INTS2: variants seen among roughly 807,000 people sequenced by gnomAD.
INTS2 encodes integrator complex subunit 2, also known as KIAA1287.
A neutral mutation model predicts 139.6 loss-of-function variants in INTS2; 57 were observed. The ratio of observed to expected loss-of-function variants is 0.41; its 90% CI spans 0.33 to 0.51. The LOEUF is 0.51. Among genes scored for constraint, INTS2 ranks in the 20% least tolerant of loss-of-function variants. The probability of loss-of-function intolerance (pLI) is 0.28; values close to 1 mark genes in which losing one functional copy is unlikely to be tolerated. For missense variants in INTS2, 1,196 were observed against 1,436.7 expected, an observed-to-expected ratio of 0.83 and a Z score of 2.71; for synonymous variants, 473 against 493.4, an observed-to-expected ratio of 0.96 and a Z score of 0.55.
In INTS2 at chr17:61,869,946, T is replaced by G. The variant is rs767963709; in HGVS notation, c.2821A>C (p.Thr941Pro). The G allele has an allele frequency of 8.1e-6, 13 of 1,613,600 alleles. No individual in the cohort carries two copies. Among genetic ancestry groups the G allele is most frequent in the Non-Finnish European group, 1.1e-5 (13 of 1,179,604 alleles). The change falls in exon 21 of 25, where the codon ACT (threonine) becomes CCT (proline). Residue 941 changes from threonine to proline, a missense_variant. Physicochemically the swap from Thr to Pro is conservative, Grantham distance 38. Around this residue, in one of 3 missense-constraint regions of INTS2, gnomAD observed 1,129 missense variants for 1,341.9 expected, o/e 0.84. Transcript: ENST00000251334. This position sits in a 1 kb window ranked among gnomAD's most constrained non-coding sequence, Gnocchi z 5.4. ...ACACCATTTGCTTTCTCCTCTTCAG[T>G]AGGTAGGCAAATCTCTAAGAGAATC... is the stretch of plus-strand genomic sequence containing the variant. ...VQILLEICLP[T>P]EEEKANGVNP...
chr17:61,867,896 T>C lies in INTS2; in HGVS notation c.3358A>G (p.Ile1120Val). ...ACATCAGAGGCACAAACTTGCCCTA[T>C]TTGGATCAGCAAAGACATAATATCC... ...YEDIMSLLIQ[I>V]GQVCASDVAT... Residue 1120 changes from isoleucine (I) to valine (V), a missense_variant, in exon 24 of 25, where the codon ATA becomes GTA. Physicochemically the swap from Ile to Val is conservative, Grantham distance 29 (BLOSUM62 3). This residue lies in a region of INTS2 where 1,129 missense variants were observed against 1,341.9 expected (regional missense o/e 0.84). Transcript: ENST00000251334. This position sits in a 1 kb window ranked among gnomAD's most constrained non-coding sequence, Gnocchi z 5.6. 6.2e-7 allele frequency: 1 copy of C among 1,612,138 alleles called. No homozygotes were observed. Among genetic ancestry groups the C allele is most frequent in the Non-Finnish European group, 8.5e-7 (1 of 1,179,326 alleles).
intron 3 of INTS2, among the ~76,000 whole-genome samples, chr17:61,923,167 T>C (rs1475320234): frequency 6.6e-6 from 1 of 151,872 alleles, no homozygotes; most frequent in Non-Finnish European, 1.5e-5. Flanking sequence ...AAAAATTTTT[T>C]AACATACCTT....
intron 5 of INTS2, among the ~76,000 whole-genome samples, chr17:61,915,655 T>TA (rs61632097): frequency 1.5e-3 from 192 of 130,124 alleles, no homozygotes; most frequent in Middle Eastern, 4.1e-3. Context: ...TGTCTCTAAT[T>TA]AAAAAAAAAA....
rs779116418 is a variant in INTS2, at chr17:61,889,775, G to A, written c.1984+11C>T. The A allele has an allele frequency of 7.1e-6, 10 of 1,401,392 alleles. No individual in the cohort carries two copies. Among genetic ancestry groups the A allele is most frequent in the Non-Finnish European group, 8.1e-6 (8 of 992,266 alleles). 86.8% of individuals were successfully genotyped at this position (1,401,392 alleles called of 1,614,324 possible). ...ACTACCACTAGAACCACTCCTCTAC[G>A]TACAACTTACCTAAAGTCTTCGTGT... On this transcript the variant is annotated intron_variant, in intron 15 of 24. Transcript: ENST00000251334.
In INTS2 at chr17:61,881,099, C is replaced by T. The variant is rs1017021923; in HGVS notation, c.2162G>A (p.Cys721Tyr). Reference protein sequence around the residue: ...PHLCIVDDWICEEEITGTDAL... With the variant: ...PHLCIVDDWIYEEEITGTDAL... Reference sequence around the variant, plus strand: ...ATCAGTCCCTGTGATTTCTTCTTCACAAATCCAGTCATCCACAATACATAA... The same window carrying T: ...ATCAGTCCCTGTGATTTCTTCTTCATAAATCCAGTCATCCACAATACATAA... Residue 721 changes from cysteine to tyrosine, a missense_variant, in exon 17 of 25, where the codon TGT (cysteine) becomes TAT (tyrosine). Physicochemically the swap from Cys to Tyr is radical, Grantham distance 194. This residue lies in a region of INTS2 where 1,129 missense variants were observed against 1,341.9 expected (regional missense o/e 0.84). Coordinates refer to ENST00000251334, the MANE Select transcript of INTS2 (RefSeq NM_001351695.2). 6.2e-7 allele frequency: 1 copy of T among 1,613,464 alleles called. No homozygotes were observed. Among genetic ancestry groups the T allele is most frequent in the African/African-American group, 1.3e-5 (1 of 74,924 alleles).
At chr17:61,900,682 A>C (rs987752953) in intron 9 of INTS2, among the ~76,000 whole-genome samples, 2 of 152,044 alleles carry the variant, frequency 1.3e-5, no homozygotes, top group African/African-American at 4.8e-5. Flanking sequence ...AATCGGCCAG[A>C]CGTGGTGGCT....
intron 1 of INTS2, among the ~76,000 whole-genome samples, chr17:61,926,942 T>G (rs1037024338): frequency 6.6e-6 from 1 of 152,108 alleles, no homozygotes; most frequent in Non-Finnish European, 1.5e-5. Context: ...CCCAGAGAGA[T>G]GAAGTAACAC....
At position 61,897,490 on chromosome 17, in the gene INTS2, G is replaced by C; in HGVS notation, c.1473C>G (p.Val491=). 1 of 1,591,146 alleles carries C rather than the reference G, an allele frequency of 6.3e-7. No individual in the cohort carries two copies. Among genetic ancestry groups the C allele is most frequent in the Non-Finnish European group, 8.6e-7 (1 of 1,168,970 alleles). The change falls in exon 11 of 25, where the codon GTC becomes GTG. Residue 491 remains valine, a synonymous_variant. Coordinates refer to ENST00000251334, the MANE Select transcript of INTS2 (RefSeq NM_001351695.2). The surrounding 1 kb of genome is among the most constrained non-coding windows in gnomAD (Gnocchi z 4.4). ...TTACCTTCATCCCCAAAGTGGAACA[G>C]ACCAAGTCAATGATAGCACTAAGCT... ...SNQLSAIIDL[V]CSTLGMKIVI... is the part of the protein sequence containing the mutation.
In INTS2 at chr17:61,875,538, T is replaced by C. The variant is rs547862680; in HGVS notation, c.2457-500A>G. ...AGATTAGACATTAATAGATTATAAG[T>C]GGTTACTAAAATGACTGCACATCAT... On this transcript the variant is annotated intron_variant, in intron 18 of 24. Coordinates refer to ENST00000251334, the MANE Select transcript of INTS2 (RefSeq NM_001351695.2). This position sits in a 1 kb window ranked among gnomAD's most constrained non-coding sequence, Gnocchi z 4.6. 2.2e-4 allele frequency among the ~76,000 whole-genome samples: 34 copies of C among 152,292 alleles called. No individual in the cohort carries two copies. Among genetic ancestry groups the C allele is most frequent in the African/African-American group, 7.9e-4 (33 of 41,568 alleles).
In INTS2 at chr17:61,897,895, T is replaced by G. The variant is rs977293958; in HGVS notation, c.1308-156A>C. ...AGGCTTGCTGAATTGGGCCATTAATTGTCATTGAGGTATGAAGTAATTCTA... is the reference window on the plus strand; with the variant it reads ...AGGCTTGCTGAATTGGGCCATTAATGGTCATTGAGGTATGAAGTAATTCTA... On this transcript the variant is annotated intron_variant, in intron 9 of 24. Transcript: ENST00000251334. The surrounding 1 kb of genome is among the most constrained non-coding windows in gnomAD (Gnocchi z 4.4). Among the ~76,000 whole-genome samples, 1 of 152,202 alleles carries G rather than the reference T, an allele frequency of 6.6e-6. No homozygotes were observed. Among genetic ancestry groups the G allele is most frequent in the Admixed American group, 6.5e-5 (1 of 15,274 alleles).
chr17:61,911,968 G>T lies in INTS2; in HGVS notation c.752C>A (p.Ser251Tyr). 3 of 1,613,222 alleles carry T rather than the reference G, an allele frequency of 1.9e-6. No homozygotes were observed. Among genetic ancestry groups the T allele is most frequent in the Non-Finnish European group, 2.5e-6 (3 of 1,179,350 alleles). Residue 251 changes from serine (S) to tyrosine (Y), a missense_variant, in exon 6 of 25, where the codon TCT becomes TAT. Ser to Tyr is a moderately radical substitution (Grantham distance 144). Transcript: ENST00000251334. ...ALRFLCKMNP[S>Y]QALKVRGMVV... ...CATGCCTCGGACCTTGAGGGCCTGA[G>T]AAGGATTCATTTTACACAAGAAGCG...
chr17:61,885,089 CA>C, intron 15 of INTS2, 84 bp from the exon 16 acceptor site: 1 of 890,604 alleles, frequency 1.1e-6, no homozygotes, highest in Middle Eastern at 2.8e-4. Context: ...GAAACAAAAA[CA>C]AAGTCAAATT....
Position 61,919,533 on chromosome 17 carries a change from G to A in INTS2, c.536-20C>T, listed in dbSNP as rs1168433644. The A allele has an allele frequency of 3.0e-6, 4 of 1,344,338 alleles. No homozygotes were observed. The highest frequency in any genetic ancestry group is 4.2e-6 in the Non-Finnish European group (4 of 952,892). 83.3% of individuals were successfully genotyped at this position (1,344,338 alleles called of 1,614,324 possible). A position where few individuals can be genotyped will look rare whatever the true frequency, so the allele number is the denominator to read the frequency against. ...GGAGCTCTACAAGAAAACAAAGTCA[G>A]TGTTAGTCTTTGTTAACAGGTGCAC... is the stretch of plus-strand genomic sequence containing the variant. On this transcript the variant is annotated intron_variant, in intron 4 of 24. Transcript: ENST00000251334.
intron 3 of INTS2, among the ~76,000 whole-genome samples, chr17:61,923,846 T>C (rs1239749694): frequency 6.6e-6 from 1 of 151,916 alleles, no homozygotes; most frequent in African/African-American, 2.4e-5. Context: ...AGAAACGGGG[T>C]TTCTCCATGT....
intron 7 of INTS2, among the ~76,000 whole-genome samples, chr17:61,908,814 T>A (rs1603380802): frequency 7.4e-6 from 1 of 134,594 alleles, no homozygotes; most frequent in Non-Finnish European, 1.7e-5. Context: ...AAGCAGAGCT[T>A]AAAATCAGTT....
intron 7 of INTS2, chr17:61,911,179 G>A: frequency 6.4e-6 from 2 of 314,048 alleles, no homozygotes; most frequent in Non-Finnish European, 1.1e-5. Context: ...CTATACCCTA[G>A]AACCCCCTGG....
At position 61,875,029 on chromosome 17, in the gene INTS2, T is replaced by C. The variant is rs369157434; in HGVS notation, c.2466A>G (p.Val822=). The C allele has an allele frequency of 1.9e-6, 3 of 1,592,398 alleles. No homozygotes were observed. Among genetic ancestry groups the C allele is most frequent in the African/African-American group, 2.7e-5 (2 of 74,488 alleles). Residue 822 remains valine (V), a synonymous_variant, in exon 19 of 25, where the codon GTA becomes GTG. Coordinates refer to ENST00000251334, the MANE Select transcript of INTS2 (RefSeq NM_001351695.2). The surrounding 1 kb of genome is among the most constrained non-coding windows in gnomAD (Gnocchi z 4.6). ...AAGGCTGAAGTGCATTAACCGTCAT[T>C]ACCCATAGCCTGATAAGAAAATAAT... The part of the protein sequence containing the change: ...LNTVMPRRLW[V]MTVNALQPSI...
chr17:61,872,186 T>C lies in INTS2; in HGVS notation c.2778+79A>G. Reference sequence around the variant, plus strand: ...TCACCAATGTACATGGAGCGCACAATGTGCCATCTATTGAACTGATTATAC... The same window carrying C: ...TCACCAATGTACATGGAGCGCACAACGTGCCATCTATTGAACTGATTATAC... On this transcript the variant is annotated intron_variant, in intron 20 of 24. Transcript: ENST00000251334. The surrounding 1 kb of genome is among the most constrained non-coding windows in gnomAD (Gnocchi z 4.8). 1 of 812,050 alleles carries C rather than the reference T, an allele frequency of 1.2e-6. No individual in the cohort carries two copies. The highest frequency in any genetic ancestry group is 2.3e-5 in the South Asian group (1 of 44,030). The allele number at this position is 812,050 out of a possible 1,614,324, so 50.3% of individuals were successfully genotyped here. A position where few individuals can be genotyped will look rare whatever the true frequency, so the allele number is the denominator to read the frequency against.
At position 61,869,056 on chromosome 17, in the gene INTS2, A is replaced by G; in HGVS notation, c.3222T>C (p.Asn1074=). 2 of 1,608,856 alleles carry G rather than the reference A, an allele frequency of 1.2e-6. No individual in the cohort carries two copies. Among genetic ancestry groups the G allele is most frequent in the East Asian group, 2.2e-5 (1 of 44,806 alleles). ...KSLSVARLAV[N]VMGTLLTVLT... Reference sequence around the variant, plus strand: ...TACCTGTTAACAAAGTTCCCATGACATTGACAGCTAAACGAGCCACACTAA... The same window carrying G: ...TACCTGTTAACAAAGTTCCCATGACGTTGACAGCTAAACGAGCCACACTAA... Residue 1074 remains asparagine (N), a synonymous_variant, in exon 23 of 25, where the codon AAT becomes AAC. Coordinates refer to ENST00000251334, the MANE Select transcript of INTS2 (RefSeq NM_001351695.2). The surrounding 1 kb of genome is among the most constrained non-coding windows in gnomAD (Gnocchi z 5.4).
Sources: gnomAD v4.1 joint callset for allele counts (sites outside exome capture counted in the v4.1 genomes callset) on GRCh38, gnomAD v4.1.1 for gene constraint, gnomAD v4.1.1 regional missense constraint, Gnocchi (gnomAD v3.1) non-coding constraint, MANE v1.5 for transcripts, NCBI Gene and HGNC (gene_info 2026-07-23, HGNC 2026-07-21) for gene names.